Variants in ADCY1 observed in about 807,000 individuals in gnomAD.
ADCY1 encodes the protein adenylate cyclase type 1.
Under a neutral mutation model 105.4 loss-of-function variants are expected in ADCY1, and 28 were observed. The ratio of observed to expected loss-of-function variants is 0.27; its 90% CI spans 0.20 to 0.36. The LOEUF (loss-of-function observed/expected upper bound fraction) is 0.36. ADCY1 is among the 10% of genes least tolerant of loss of function. ADCY1 has a pLI of 1.00. For missense variants in ADCY1, 977 were observed against 1,434.2 expected (o/e 0.68, Z 5.15); for synonymous variants, 655 against 623.8 (o/e 1.05, Z -0.75).
At chr7:45,659,732 CT>C (rs774011897) in intron 6 of ADCY1, among the ~76,000 whole-genome samples, 11 of 152,272 alleles carry the variant, frequency 7.2e-5, no homozygotes, top group Non-Finnish European at 1.5e-4. Flanking sequence ...TTTTCCTCAA[CT>C]TCCCTAATGA....
intron 1 of ADCY1, among the ~76,000 whole-genome samples, chr7:45,577,871 A>T (rs1316617568): frequency 6.6e-6 from 1 of 152,186 alleles, no homozygotes; most frequent in Non-Finnish European, 1.5e-5. Context: ...TGAGACCCAA[A>T]TGCCTTCTTA....
Position 45,703,255 on chromosome 7 carries a change from C to T in ADCY1, c.2455-121C>T, listed in dbSNP as rs1562731397. 12 of 860,072 alleles carry T rather than the reference C, an allele frequency of 1.4e-5. No individual in the cohort carries two copies. The highest frequency in any genetic ancestry group is 8.2e-5 in the African/African-American group (5 of 60,708). 53.3% of individuals were successfully genotyped at this position (860,072 alleles called of 1,614,324 possible). A position where few individuals can be genotyped will look rare whatever the true frequency, so the allele number is the denominator to read the frequency against. ...ATCTAGTGGGGAGGAGGGACAGGAGCGTGGATGTAGACCATCAGCACACCT... is the reference window on the plus strand; with the variant it reads ...ATCTAGTGGGGAGGAGGGACAGGAGTGTGGATGTAGACCATCAGCACACCT... On this transcript the variant is annotated intron_variant, in intron 14 of 19. Transcript: ENST00000297323. The surrounding 1 kb of genome is among the most constrained non-coding windows in gnomAD (Gnocchi z 5.9).
intron 14 of ADCY1, among the ~76,000 whole-genome samples, chr7:45,690,044 A>G (rs968899382): frequency 2.0e-5 from 3 of 152,206 alleles, no homozygotes; most frequent in East Asian, 1.9e-4. Flanking sequence ...TGGTCTGACA[A>G]TGGAGTGTGA....
chr7:45,607,759 T>G (rs1401273390), intron 2 of ADCY1, among the ~76,000 whole-genome samples: 1 of 152,238 alleles, frequency 6.6e-6, no homozygotes, highest in African/African-American at 2.4e-5. Flanking sequence ...CATGTTGCTG[T>G]AAAGGACATC....
chr7:45,602,021 G>A (rs1395644659), intron 2 of ADCY1, among the ~76,000 whole-genome samples: 2 of 152,110 alleles, frequency 1.3e-5, no homozygotes, highest in Non-Finnish European at 2.9e-5. Context: ...GAATAGGGAC[G>A]TACTATGGGG....
rs1419345924 is a variant in ADCY1 at position 45,708,159 on chromosome 7, C to A, written c.2818-191C>A. Among the ~76,000 whole-genome samples, 2 of 152,218 alleles carry A rather than the reference C, an allele frequency of 1.3e-5. No individual in the cohort carries two copies. Among genetic ancestry groups the A allele is most frequent in the Non-Finnish European group, 2.9e-5 (2 of 68,036 alleles). On this transcript the variant is annotated intron_variant, in intron 17 of 19. Transcript: ENST00000297323. This position sits in a 1 kb window ranked among gnomAD's most constrained non-coding sequence, Gnocchi z 4.7. ...GCCCTGTCTCTGCCCCTCAGGAGCC[C>A]CTGGGGCTTGGCCAATACCCTGCCT... is the stretch of plus-strand genomic sequence containing the variant.
rs1785165366 is a variant in ADCY1, at chr7:45,708,452, G to C, written c.2920G>C (p.Val974Leu). Residue 974 changes from valine (V) to leucine (L), a missense_variant, in exon 18 of 20, where the codon GTC becomes CTC. Val to Leu is a conservative substitution (Grantham distance 32). Transcript: ENST00000297323. The surrounding 1 kb of genome is among the most constrained non-coding windows in gnomAD (Gnocchi z 4.7). ...EINYQSYNDF[V>L]LRVGINVGPV... The stretch of plus-strand genomic sequence containing the variant: ...CAACTACCAGTCTTACAACGACTTT[G>C]TCCTCCGAGTTGGTATGTGGCTCTA... The C allele has an allele frequency of 6.2e-7, 1 of 1,613,286 alleles. No homozygotes were observed.
intron 8 of ADCY1, among the ~76,000 whole-genome samples, chr7:45,669,731 C>A (rs1302427695): frequency 1.3e-5 from 2 of 152,172 alleles, no homozygotes; most frequent in African/African-American, 4.8e-5. Flanking sequence ...AATATAACTT[C>A]TACCATATCT....
In ADCY1 at chr7:45,710,931, C is replaced by G. The variant is rs1785219560; in HGVS notation, c.3057+279C>G. Among the ~76,000 whole-genome samples, 1 of 152,166 alleles carries G rather than the reference C, an allele frequency of 6.6e-6. No individual in the cohort carries two copies. Among genetic ancestry groups the G allele is most frequent in the South Asian group, 2.1e-4 (1 of 4,830 alleles). On this transcript the variant is annotated intron_variant, in intron 19 of 19. Transcript: ENST00000297323. The surrounding 1 kb of genome is among the most constrained non-coding windows in gnomAD (Gnocchi z 4.7). Reference sequence around the variant, plus strand: ...GGGTCCTGCTGCTGGTCCCAGCAGCCTGGTGGCTCTCATTCACTCTGCACA... The same window carrying G: ...GGGTCCTGCTGCTGGTCCCAGCAGCGTGGTGGCTCTCATTCACTCTGCACA...
rs1359630127 is a variant in ADCY1, at chr7:45,708,142, T to C, written c.2818-208T>C. ...CAGGCAGCCTTGGGTGGGCCCTGTC[T>C]CTGCCCCTCAGGAGCCCCTGGGGCT... On this transcript the variant is annotated intron_variant, in intron 17 of 19. Coordinates refer to ENST00000297323, the MANE Select transcript of ADCY1 (RefSeq NM_021116.4). This position sits in a 1 kb window ranked among gnomAD's most constrained non-coding sequence, Gnocchi z 4.7. Among the ~76,000 whole-genome samples, 2 of 152,230 alleles carry C rather than the reference T, an allele frequency of 1.3e-5. No homozygotes were observed. Among genetic ancestry groups the C allele is most frequent in the Non-Finnish European group, 2.9e-5 (2 of 68,036 alleles).
chr7:45,609,427 C>T (rs569374820), intron 2 of ADCY1, among the ~76,000 whole-genome samples: 13 of 152,322 alleles, frequency 8.5e-5, no homozygotes, highest in African/African-American at 2.2e-4. Flanking sequence ...GCACTGAGCA[C>T]GACAGGCCGC....
Position 45,720,343 on chromosome 7 carries a change from T to C in ADCY1, c.*6348T>C, listed in dbSNP as rs921568432. On this transcript the variant is annotated 3_prime_UTR_variant, in exon 20 of 20. Coordinates refer to ENST00000297323, the MANE Select transcript of ADCY1 (RefSeq NM_021116.4). Reference sequence around the variant, plus strand: ...CTGGTCAACATGGTGAAACCCCGTCTCTACTAAAAATACAAAAAAAAAATT... The same window carrying C: ...CTGGTCAACATGGTGAAACCCCGTCCCTACTAAAAATACAAAAAAAAAATT... 6.6e-6 allele frequency: 1 copy of C among 151,654 alleles called. No individual in the cohort carries two copies. The highest frequency in any genetic ancestry group is 1.5e-5 in the Non-Finnish European group (1 of 67,930). The allele number at this position is 151,654 out of a possible 1,614,324, so 9.4% of individuals were successfully genotyped here.
At chr7:45,621,660 C>T (rs930517341) in intron 3 of ADCY1, among the ~76,000 whole-genome samples, 5 of 152,154 alleles carry the variant, frequency 3.3e-5, no homozygotes, top group African/African-American at 1.2e-4. Context: ...TCCCTCCTGT[C>T]CCTGCCTGCT....
At chr7:45,690,520 G>A (rs1000289973) in intron 14 of ADCY1, among the ~76,000 whole-genome samples, 1 of 152,224 alleles carries the variant, frequency 6.6e-6, no homozygotes, top group African/African-American at 2.4e-5. Context: ...CCCTGCTCCC[G>A]CTCCCCATTG....
intron 10 of ADCY1, among the ~76,000 whole-genome samples, chr7:45,679,324 A>T (rs999605121): frequency 6.6e-6 from 1 of 152,196 alleles, no homozygotes; most frequent in Non-Finnish European, 1.5e-5. Context: ...TTTTCTAAAA[A>T]TGCCCTTCCC....
rs1478753820 is a variant in ADCY1 at position 45,715,151 on chromosome 7, CAATG to C, written c.*1159_*1162del. 1 of 152,240 alleles carries C rather than the reference CAATG, an allele frequency of 6.6e-6. No homozygotes were observed. Among genetic ancestry groups the C allele is most frequent in the Non-Finnish European group, 1.5e-5 (1 of 68,084 alleles). The allele number at this position is 152,240 out of a possible 1,614,324, so 9.4% of individuals were successfully genotyped here. ...TCCTATGTGCATGTCTAAATAGTCA[CAATG>C]AAGATGAAAATAAGGATGATGGGGA... On this transcript the variant is annotated 3_prime_UTR_variant, in exon 20 of 20. Coordinates refer to ENST00000297323, the MANE Select transcript of ADCY1 (RefSeq NM_021116.4).
intron 14 of ADCY1, among the ~76,000 whole-genome samples, chr7:45,689,158 C>T (rs547413525): frequency 4.0e-4 from 60 of 151,794 alleles, no homozygotes; most frequent in Non-Finnish European, 7.9e-4. Context: ...TGAGAACCCT[C>T]GCCCTTTGGC....
At chr7:45,616,460 C>T (rs1054433403) in intron 3 of ADCY1, among the ~76,000 whole-genome samples, 3 of 152,208 alleles carry the variant, frequency 2.0e-5, no homozygotes, top group Admixed American at 2.0e-4. Context: ...TTAAATGCCT[C>T]ATACACCATG....
intron 14 of ADCY1, among the ~76,000 whole-genome samples, chr7:45,692,948 G>A (rs1251488590): frequency 1.3e-5 from 2 of 152,202 alleles, no homozygotes; most frequent in Admixed American, 1.3e-4. Context: ...AGTAATGTTA[G>A]CGGGTAATAA....
Sources: allele counts gnomAD v4.1 joint callset (sites outside exome capture counted in the v4.1 genomes callset), GRCh38; gene constraint gnomAD v4.1.1; non-coding constraint Gnocchi (gnomAD v3.1); transcripts MANE v1.5; gene names NCBI Gene and HGNC (gene_info 2026-07-23, HGNC 2026-07-21).